CDH18: variants seen among roughly 807,000 people sequenced by gnomAD.
CDH18 encodes the protein cadherin 18.
A neutral mutation model predicts 67.9 loss-of-function variants in CDH18; 31 were observed. The ratio of observed to expected loss-of-function variants is 0.46; its 90% confidence interval spans 0.34 to 0.62. CDH18 has a LOEUF of 0.62. Among genes scored for constraint, CDH18 ranks in the 20% least tolerant of loss-of-function variants. The pLI is 0.01. For synonymous variants in CDH18, 362 were observed against 347.2 expected (o/e 1.04, Z -0.48); for missense variants, 890 against 975.5 (o/e 0.91, Z 1.17).
chr5:19,604,308 T>C (rs1747666345), intron 6 of CDH18, among the ~76,000 whole-genome samples: 1 of 152,034 alleles, frequency 6.6e-6, no homozygotes, highest in Admixed American at 6.6e-5. Context: ...AATTTAATCA[T>C]TACATTTGTT....
chr5:20,508,326 TATATATATATATATATATA>T (rs1754781461), intron 1 of CDH18, among the ~76,000 whole-genome samples: 2 of 13,002 alleles, frequency 1.5e-4, no homozygotes, highest in South Asian at 1.7e-3. Flanking sequence ...ACTATGATTA[TATATATATATATATATATA>T]TATATATATA....
chr5:19,819,508 C>T (rs1029321214), intron 3 of CDH18, among the ~76,000 whole-genome samples: 4 of 152,062 alleles, frequency 2.6e-5, no homozygotes, highest in African/African-American at 4.8e-5. Context: ...ATGGAGTCTC[C>T]AAGTGTCAAG....
At position 20,493,356 on chromosome 5, in the gene CDH18, TAAAAAAAAAAAA is replaced by T. The variant is rs148292031; in HGVS notation, c.-580+82094_-580+82105del. On this transcript the variant is annotated intron_variant, in intron 1 of 14. Transcript: ENST00000507958. ...AGGGCAAGACTCTGTTTCAGAAAAT[TAAAAAAAAAAAA>T]AAAAAAAAAAAAAAAAAGCAAAGAA... Among the ~76,000 whole-genome samples the T allele has an allele frequency of 4.2e-4, 20 of 47,190 alleles. 1 individual carries two copies. The highest frequency in any genetic ancestry group is 1.6e-3 in the South Asian group (1 of 634). 31.0% of individuals were successfully genotyped at this position (47,190 alleles called of 152,430 possible).
intron 4 of CDH18, among the ~76,000 whole-genome samples, chr5:19,726,480 T>C (rs147435148): frequency 3.3e-5 from 5 of 152,190 alleles, no homozygotes; most frequent in Admixed American, 6.5e-5. Flanking sequence ...AGATTGCTGG[T>C]TGAAGGGAGC....
intron 2 of CDH18, among the ~76,000 whole-genome samples, chr5:20,024,693 A>G (rs544264043): frequency 1.3e-5 from 2 of 152,304 alleles, no homozygotes; most frequent in South Asian, 4.1e-4. Context: ...ATTCTCATTC[A>G]CTTGCCTAAA....
chr5:19,699,760 A>G (rs1285971432), intron 5 of CDH18, among the ~76,000 whole-genome samples: 2 of 152,012 alleles, frequency 1.3e-5, no homozygotes, highest in Non-Finnish European at 2.9e-5. Context: ...CAATAGTGCA[A>G]TAATCTTGGA....
intron 2 of CDH18, among the ~76,000 whole-genome samples, chr5:19,876,987 T>C (rs540068267): frequency 5.3e-5 from 8 of 152,016 alleles, no homozygotes; most frequent in Non-Finnish European, 1.2e-4. Flanking sequence ...ATCTGGTGGA[T>C]GAACACACAG....
chr5:19,769,038 A>C (rs547382857), intron 3 of CDH18, among the ~76,000 whole-genome samples: 1 of 152,186 alleles, frequency 6.6e-6, no homozygotes, highest in South Asian at 2.1e-4. Flanking sequence ...GAAAGGAAAA[A>C]GAATGACAAA....
chr5:20,530,038 A>C (rs992821534), intron 1 of CDH18, among the ~76,000 whole-genome samples: 1 of 152,086 alleles, frequency 6.6e-6, no homozygotes, highest in Non-Finnish European at 1.5e-5. Flanking sequence ...AATTCAGCAA[A>C]GTCTCAGGAG....
intron 1 of CDH18, among the ~76,000 whole-genome samples, chr5:20,556,227 C>G (rs1035457732): frequency 2.6e-5 from 4 of 152,130 alleles, no homozygotes; most frequent in African/African-American, 9.7e-5. Flanking sequence ...TCATGCTGTC[C>G]TGACAGGCTA....
intron 9 of CDH18, among the ~76,000 whole-genome samples, chr5:19,543,177 T>A (rs1750549475): frequency 6.6e-6 from 1 of 152,184 alleles, no homozygotes; most frequent in Admixed American, 6.5e-5. Flanking sequence ...GTTATGAAGA[T>A]GGATTCATTT....
chr5:19,511,642 G>A (rs1745133459), intron 10 of CDH18, among the ~76,000 whole-genome samples: 3 of 152,152 alleles, frequency 2.0e-5, no homozygotes, highest in Admixed American at 2.0e-4. Context: ...CTAGGGATCT[G>A]TGAAACTTTG....
chr5:20,527,278 G>A (rs575183969), intron 1 of CDH18, among the ~76,000 whole-genome samples: 2 of 152,012 alleles, frequency 1.3e-5, no homozygotes, highest in African/African-American at 2.4e-5. Flanking sequence ...GACTGAATCT[G>A]TGATGGATTG....
chr5:19,778,897 T>A (rs1289650656), intron 3 of CDH18, among the ~76,000 whole-genome samples: 1 of 152,154 alleles, frequency 6.6e-6, no homozygotes, highest in Non-Finnish European at 1.5e-5. Flanking sequence ...CTACATGTAT[T>A]ATGCTCAGAT....
chr5:19,726,788 C>T (rs2150606647), intron 4 of CDH18, among the ~76,000 whole-genome samples: 1 of 152,086 alleles, frequency 6.6e-6, no homozygotes, highest in South Asian at 2.1e-4. Context: ...GCTCATATGC[C>T]CCTCAAATTC....
chr5:19,500,941 G>A (rs890478004), intron 11 of CDH18, among the ~76,000 whole-genome samples: 1 of 151,716 alleles, frequency 6.6e-6, no homozygotes, highest in African/African-American at 2.4e-5. Context: ...GACCAACCTG[G>A]CCAACATGAT....
chr5:19,961,524 T>C (rs1338801099), intron 2 of CDH18, among the ~76,000 whole-genome samples: 4 of 152,174 alleles, frequency 2.6e-5, no homozygotes, highest in Non-Finnish European at 5.9e-5. Flanking sequence ...TGTGAAATTG[T>C]GATGCCACTG....
At position 19,780,404 on chromosome 5, in the gene CDH18, CAT is replaced by C. The variant is rs376775385; in HGVS notation, c.229-33170_229-33169del. Among the ~76,000 whole-genome samples the C allele has an allele frequency of 2.2e-4, 34 of 152,202 alleles. No homozygotes were observed. The East Asian group carries it at 4.2e-3, about 19-fold the overall frequency. ...AAAATCAGCATCTCACTTACTTTCA[CAT>C]GTTAATTTTATGTTTTGATTTTATC... is the stretch of plus-strand genomic sequence containing the variant. On this transcript the variant is annotated intron_variant, in intron 3 of 12. Transcript: ENST00000382275.
At chr5:19,561,662 T>A (rs1340378473) in intron 8 of CDH18, among the ~76,000 whole-genome samples, 2 of 152,102 alleles carry the variant, frequency 1.3e-5, no homozygotes, top group Non-Finnish European at 2.9e-5. Context: ...GAATTTTTTT[T>A]AAATAGGCCA....
Sources: gnomAD v4.1 joint callset for allele counts (sites outside exome capture counted in the v4.1 genomes callset) on GRCh38, gnomAD v4.1.1 for gene constraint, MANE v1.5 for transcripts, NCBI Gene and HGNC (gene_info 2026-07-23, HGNC 2026-07-21) for gene names.